Variants in PTCHD4 observed in about 807,000 individuals in gnomAD.
PTCHD4 encodes the protein patched domain-containing protein 4.
A neutral mutation model predicts 58.1 loss-of-function variants in PTCHD4; 33 were observed. The observed-to-expected ratio is 0.57, with a 90% CI of 0.43 to 0.76. PTCHD4 has a LOEUF of 0.76. Ranked by LOEUF, PTCHD4 falls within the 30% of genes least tolerant of loss-of-function variation. The pLI, the probability that PTCHD4 is intolerant of heterozygous loss-of-function variation, is 0.00. For missense variants in PTCHD4, 1,058 were observed against 1,027.1 expected (o/e 1.03, Z -0.41); for synonymous variants, 478 against 409.6 (o/e 1.17, Z -2.02).
chr6:47,944,030 A>G (rs2113930676), intron 4 of PTCHD4, among the ~76,000 whole-genome samples: 1 of 152,236 alleles, frequency 6.6e-6, no homozygotes, highest in East Asian at 1.9e-4. Context: ...ACACCATTTC[A>G]GAGAGGGAAT....
chr6:48,107,899 C>T (rs13216352), intron 1 of PTCHD4, among the ~76,000 whole-genome samples: 27,689 of 152,026 alleles, frequency 0.18, 2,772 homozygotes, highest in African/African-American at 0.25. Context: ...AACCACAATG[C>T]GATACCATCT....
chr6:47,949,184 C>T (rs1766531259), intron 4 of PTCHD4, among the ~76,000 whole-genome samples: 1 of 152,140 alleles, frequency 6.6e-6, no homozygotes, highest in African/African-American at 2.4e-5. Flanking sequence ...GTTGTTAGGA[C>T]AGGCCTCTGT....
At chr6:48,029,971 G>C (rs761331807) in intron 3 of PTCHD4, among the ~76,000 whole-genome samples, 2 of 152,030 alleles carry the variant, frequency 1.3e-5, no homozygotes, top group East Asian at 3.9e-4. Flanking sequence ...AGGAAAGTCA[G>C]AACATCTTAG....
chr6:47,913,681 A>G (rs1360159230), intron 4 of PTCHD4, among the ~76,000 whole-genome samples: 1 of 152,162 alleles, frequency 6.6e-6, no homozygotes, highest in Non-Finnish European at 1.5e-5. Context: ...GCACAGAAAC[A>G]AAGAGAGCCC....
chr6:48,063,373 A>G (rs1252222858), intron 3 of PTCHD4, among the ~76,000 whole-genome samples: 3 of 152,192 alleles, frequency 2.0e-5, no homozygotes, highest in Non-Finnish European at 2.9e-5. Flanking sequence ...AAATAATGTG[A>G]AACATTAGTA....
intron 1 of PTCHD4, among the ~76,000 whole-genome samples, chr6:48,078,359 T>C (rs927464095): frequency 3.3e-5 from 5 of 152,184 alleles, no homozygotes; most frequent in Admixed American, 2.0e-4. Flanking sequence ...TGGAAAAAGA[T>C]GGAAACTGTA....
At chr6:48,023,581 A>G (rs1469722317) in intron 3 of PTCHD4, among the ~76,000 whole-genome samples, 4 of 152,148 alleles carry the variant, frequency 2.6e-5, no homozygotes, top group African/African-American at 9.7e-5. Flanking sequence ...CCCTTCTGAT[A>G]TCGCCTACCT....
At position 47,879,493 on chromosome 6, in the gene PTCHD4, G is replaced by A. The variant is rs371181867; in HGVS notation, c.1342C>T (p.Arg448Cys). The change falls in exon 5 of 5, where the codon CGT (arginine) becomes TGT (cysteine). Residue 448 changes from arginine (R) to cysteine (C), a missense_variant. By Grantham distance (180) the Arg-to-Cys change is radical. Coordinates refer to ENST00000339488, the MANE Select transcript of PTCHD4 (RefSeq NM_001384253.1). ...YQHHFIQHFLREHYNEWITNI... is the reference protein window; with the variant it reads ...YQHHFIQHFLCEHYNEWITNI... ...GTAATCCATTCATTATAATGTTCAC[G>A]GAGGAAGTGCTGAATGAAGTGGTGC... The A allele has an allele frequency of 1.3e-5, 21 of 1,613,572 alleles. No individual in the cohort carries two copies. The highest frequency in any genetic ancestry group is 5.0e-5 in the Admixed American group (3 of 59,946).
chr6:47,893,168 G>C (rs917959007), intron 4 of PTCHD4, among the ~76,000 whole-genome samples: 1 of 151,976 alleles, frequency 6.6e-6, no homozygotes, highest in African/African-American at 2.4e-5. Flanking sequence ...GTGCCACCAC[G>C]CCCAGCTAAT....
In PTCHD4 at chr6:47,866,912, G is replaced by T. The variant is rs184217895; in HGVS notation, c.*11391C>A. Among the ~76,000 whole-genome samples the T allele has an allele frequency of 6.6e-6, 1 of 151,840 alleles. No individual in the cohort carries two copies. Among genetic ancestry groups the T allele is most frequent in the South Asian group, 2.1e-4 (1 of 4,804 alleles). ...TGTCTTAAAATTTACATTTAGAAAAGGATAGATGGGGAGAAAATCTATGCA... is the reference window on the plus strand; with the variant it reads ...TGTCTTAAAATTTACATTTAGAAAATGATAGATGGGGAGAAAATCTATGCA... On this transcript the variant is annotated 3_prime_UTR_variant, in exon 5 of 5. Coordinates refer to ENST00000339488, the MANE Select transcript of PTCHD4 (RefSeq NM_001384253.1).
At chr6:48,062,719 A>C (rs534869355) in intron 3 of PTCHD4, among the ~76,000 whole-genome samples, 6 of 152,170 alleles carry the variant, frequency 3.9e-5, no homozygotes, top group Non-Finnish European at 8.8e-5. Context: ...GCTATGATCA[A>C]AGTCTTTCAG....
At chr6:47,927,232 A>G (rs1378416235) in intron 4 of PTCHD4, among the ~76,000 whole-genome samples, 1 of 152,204 alleles carries the variant, frequency 6.6e-6, no homozygotes, top group Non-Finnish European at 1.5e-5. Flanking sequence ...AAAAAGAGAG[A>G]TCTACAAGGA....
intron 3 of PTCHD4, among the ~76,000 whole-genome samples, chr6:48,052,635 T>C (rs892528767): frequency 3.3e-5 from 5 of 152,072 alleles, no homozygotes; most frequent in African/African-American, 1.2e-4. Context: ...AAGGAGTTAA[T>C]TCCCTATTTT....
intron 4 of PTCHD4, among the ~76,000 whole-genome samples, chr6:47,978,248 T>C (rs867688399): frequency 6.6e-5 from 10 of 152,250 alleles, no homozygotes; most frequent in Middle Eastern, 3.4e-3. Flanking sequence ...ATTCTTTCCA[T>C]TTCTCCTAAT....
At chr6:47,892,304 A>G (rs989782851) in intron 4 of PTCHD4, among the ~76,000 whole-genome samples, 3 of 152,202 alleles carry the variant, frequency 2.0e-5, no homozygotes, top group Non-Finnish European at 2.9e-5. Context: ...AAAAGAAAAT[A>G]ATAAATACAA....
At chr6:47,979,936 C>G (rs754137744) in intron 4 of PTCHD4, among the ~76,000 whole-genome samples, 1 of 151,990 alleles carries the variant, frequency 6.6e-6, no homozygotes, top group Non-Finnish European at 1.5e-5. Flanking sequence ...TAAATCTGCT[C>G]TACTTGGAAA....
chr6:48,063,462 A>G (rs986813390), intron 3 of PTCHD4, among the ~76,000 whole-genome samples: 1 of 152,184 alleles, frequency 6.6e-6, no homozygotes, highest in African/African-American at 2.4e-5. Context: ...GTTGTTACAG[A>G]GAATGATGGA....
chr6:47,944,250 G>A (rs1478654722), intron 4 of PTCHD4, among the ~76,000 whole-genome samples: 1 of 152,058 alleles, frequency 6.6e-6, no homozygotes. Context: ...ACAATTGCAC[G>A]ATTAAAAATC....
At chr6:47,953,090 G>GATA (rs1766716393) in intron 4 of PTCHD4, among the ~76,000 whole-genome samples, 4 of 152,062 alleles carry the variant, frequency 2.6e-5, no homozygotes, top group Admixed American at 2.0e-4. Flanking sequence ...TGATGATGAT[G>GATA]ATGACGACAC....
Sources: allele counts gnomAD v4.1 joint callset (sites outside exome capture counted in the v4.1 genomes callset), GRCh38; gene constraint gnomAD v4.1.1; transcripts MANE v1.5; gene names NCBI Gene and HGNC (gene_info 2026-07-23, HGNC 2026-07-21).